Variants in F5 observed in about 807,000 individuals in gnomAD.
The protein encoded by F5 is activated protein c cofactor.
A neutral mutation model predicts 216.4 loss-of-function variants in F5; 138 were observed. That is an observed-to-expected ratio of 0.64 (90% CI 0.56 to 0.73). F5 has a LOEUF of 0.73. F5 is among the 30% of genes least tolerant of loss of function. The pLI, the probability that F5 is intolerant of heterozygous loss-of-function variation, is 0.00. For synonymous variants in F5, 916 were observed against 930.7 expected (o/e 0.98, Z 0.29); for missense variants, 2,403 against 2,674.0 (o/e 0.90, Z 2.24).
At chr1:169,577,373 A>ATTAT (rs1490483396) in intron 2 of F5, among the ~76,000 whole-genome samples, 3 of 151,230 alleles carry the variant, frequency 2.0e-5, no homozygotes, top group East Asian at 1.9e-4. Flanking sequence ...AATTTAATTA[A>ATTAT]TTATTTATTT....
intron 14 of F5, among the ~76,000 whole-genome samples, chr1:169,531,576 C>G (rs759714518): frequency 2.7e-5 from 4 of 150,634 alleles, no homozygotes; most frequent in Non-Finnish European, 5.9e-5. Context: ...CTCAGAAGGG[C>G]AGAAGGATGC....
chr1:169,578,035 T>C (rs1164686051), intron 2 of F5, among the ~76,000 whole-genome samples: 1 of 152,138 alleles, frequency 6.6e-6, no homozygotes, highest in Admixed American at 6.5e-5. Flanking sequence ...AGAGGCCACA[T>C]AGTTAATGGC....
intron 3 of F5, among the ~76,000 whole-genome samples, chr1:169,562,417 T>C (rs1660504286): frequency 6.6e-6 from 1 of 151,474 alleles, no homozygotes; most frequent in Non-Finnish European, 1.5e-5. Flanking sequence ...ATTGCTTTTT[T>C]ATTCAATCTT....
Position 169,526,003 on chromosome 1 carries a change from G to C in F5, c.5614C>G (p.Leu1872Val). Residue 1872 changes from leucine to valine, a missense_variant, in exon 18 of 25, where the codon CTT (leucine) becomes GTT (valine). By Grantham distance (32) the Leu-to-Val change is conservative (BLOSUM62 1). Around this residue, in one of 4 missense-constraint regions of F5, gnomAD observed 659 missense variants for 787.9 expected, o/e 0.84. Transcript: ENST00000367797. ...CCAGGTTTTGATGCCTTCATTTCAA[G>C]AGTTTTAAATGAACCTAAAATAAAA... is the stretch of plus-strand genomic sequence containing the variant. ...WPLLPGSFKT[L>V]EMKASKPGWW... 1 of 1,610,536 alleles carries C rather than the reference G, an allele frequency of 6.2e-7. No homozygotes were observed. Among genetic ancestry groups the C allele is most frequent in the Non-Finnish European group, 8.5e-7 (1 of 1,177,164 alleles).
chr1:169,564,857 C>T (rs1046425724), intron 3 of F5, among the ~76,000 whole-genome samples: 8 of 152,016 alleles, frequency 5.3e-5, no homozygotes, highest in African/African-American at 1.4e-4. Context: ...ACTACAGTAA[C>T]GTGCAATGTA....
rs907550470 is a variant in F5, at chr1:169,569,286, G to A, written c.373+2935C>T. On this transcript the variant is annotated intron_variant, in intron 3 of 24. Transcript: ENST00000367797. ...GAATTTGGCAACACTTAGATACAAC[G>A]AACAATGTCTGGCAGAAAACGTGTT... Among the ~76,000 whole-genome samples, 13 of 152,128 alleles carry A rather than the reference G, an allele frequency of 8.5e-5. 1 individual carries two copies. The highest frequency in any genetic ancestry group is 2.9e-4 in the African/African-American group (12 of 41,532).
chr1:169,571,441 C>T (rs926745854), intron 3 of F5, among the ~76,000 whole-genome samples: 23 of 152,186 alleles, frequency 1.5e-4, no homozygotes, highest in Middle Eastern at 3.4e-3. Context: ...ATGCTAAAGT[C>T]GTAGAATCAG....
intron 1 of F5, among the ~76,000 whole-genome samples, chr1:169,583,752 C>G (rs555834172): frequency 6.6e-6 from 1 of 152,286 alleles, no homozygotes; most frequent in South Asian, 2.1e-4. Context: ...CAGTAATGCT[C>G]ACAAATTGTA....
rs764461027 is a variant in F5 at position 169,523,371 on chromosome 1, A to G, written c.5893-19T>C. On this transcript the variant is annotated intron_variant, in intron 20 of 24. Coordinates refer to ENST00000367797, the MANE Select transcript of F5 (RefSeq NM_000130.5). ...TGTCCACCTGCAATATAGGAAAGCCAGTAAACAGAACTGTCCTTGTCAACA... is the reference window on the plus strand; with the variant it reads ...TGTCCACCTGCAATATAGGAAAGCCGGTAAACAGAACTGTCCTTGTCAACA... 2 of 1,613,886 alleles carry G rather than the reference A, an allele frequency of 1.2e-6. No individual in the cohort carries two copies. Among genetic ancestry groups the G allele is most frequent in the South Asian group, 2.2e-5 (2 of 91,060 alleles).
chr1:169,572,488 G>A, intron 2 of F5, 145 bp from the exon 3 acceptor site: 1 of 934,338 alleles, frequency 1.1e-6, no homozygotes, highest in East Asian at 2.5e-5. Flanking sequence ...TTTCAATCTA[G>A]AAGGTTTTAG....
At chr1:169,568,454 T>C (rs1031062980) in intron 3 of F5, among the ~76,000 whole-genome samples, 3 of 152,114 alleles carry the variant, frequency 2.0e-5, no homozygotes, top group African/African-American at 7.2e-5. Context: ...CATACATTAA[T>C]ATAAAGTATA....
At chr1:169,551,719 G>T (rs1470098372) in intron 8 of F5, among the ~76,000 whole-genome samples, 1 of 152,182 alleles carries the variant, frequency 6.6e-6, no homozygotes, top group African/African-American at 2.4e-5. Flanking sequence ...TTGGTTGATT[G>T]TCAAAGCCTT....
chr1:169,515,353 G>T, intron 24 of F5, 91 bp downstream of exon 24: 2 of 1,425,632 alleles, frequency 1.4e-6, no homozygotes, highest in South Asian at 1.1e-5. Flanking sequence ...GGTGGTACAT[G>T]TCACTGCATA....
chr1:169,531,320 C>A (rs923950060), intron 14 of F5, among the ~76,000 whole-genome samples: 11 of 152,144 alleles, frequency 7.2e-5, no homozygotes, highest in African/African-American at 2.7e-4. Context: ...ATGAAAGAAG[C>A]TTGATTCTTG....
intron 14 of F5, among the ~76,000 whole-genome samples, chr1:169,532,367 G>T (rs992592749): frequency 2.0e-5 from 3 of 152,034 alleles, no homozygotes; most frequent in Non-Finnish European, 4.4e-5. Context: ...GCAAGAGAAA[G>T]AAATAAAAGG....
intron 14 of F5, among the ~76,000 whole-genome samples, chr1:169,532,325 A>G (rs920249763): frequency 3.9e-5 from 6 of 152,302 alleles, no homozygotes; most frequent in African/African-American, 1.4e-4. Context: ...CTTATTCAAC[A>G]TAGTACTGGA....
At chr1:169,523,480 C>A in intron 20 of F5, 128 bp from the exon 21 acceptor site, 1 of 1,065,056 alleles carries the variant, frequency 9.4e-7, no homozygotes. Context: ...CAAACTGATA[C>A]AATGACTACA....
chr1:169,525,883 A>G lies in F5; in HGVS notation c.5716+18T>C. The stretch of plus-strand genomic sequence containing the variant: ...GCACTCTCCTGCCAAACCAAATATC[A>G]CATGGCTCTTGTGATACCTCTGTCC... On this transcript the variant is annotated intron_variant, in intron 18 of 24. Transcript: ENST00000367797. 6.4e-7 allele frequency: 1 copy of G among 1,563,768 alleles called. No homozygotes were observed. Among genetic ancestry groups the G allele is most frequent in the Non-Finnish European group, 8.8e-7 (1 of 1,134,714 alleles).
chr1:169,555,656 G>T (rs1376402450), intron 6 of F5, among the ~76,000 whole-genome samples: 1 of 102,068 alleles, frequency 9.8e-6, no homozygotes, highest in Non-Finnish European at 1.8e-5. Flanking sequence ...ATTAAGTCTT[G>T]TTAAATTCTC....
Sources: allele counts gnomAD v4.1 joint callset (sites outside exome capture counted in the v4.1 genomes callset), GRCh38; gene constraint gnomAD v4.1.1; regional missense constraint gnomAD v4.1.1; transcripts MANE v1.5; gene names NCBI Gene and HGNC (gene_info 2026-07-23, HGNC 2026-07-21).